SAMMSON: variants seen among roughly 807,000 people sequenced by gnomAD.
The protein encoded by SAMMSON is survival associated mitochondrial melanoma specific oncogenic non-coding RNA.
At chr3:70,370,643 T>C (rs1702961432) in intron 9 of SAMMSON, among the ~76,000 whole-genome samples, 1 of 152,122 alleles carries the variant, frequency 6.6e-6, no homozygotes, top group African/African-American at 2.4e-5. Context: ...TTGCCCACTT[T>C]TTAATAGAGT....
chr3:70,269,829 A>G (rs1206011933), intron 6 of SAMMSON, among the ~76,000 whole-genome samples: 1 of 152,206 alleles, frequency 6.6e-6, no homozygotes, highest in Non-Finnish European at 1.5e-5. Context: ...TCATTTCGAA[A>G]ACAAAGGCCA....
At chr3:70,343,640 G>A (rs1405624185) in intron 7 of SAMMSON, among the ~76,000 whole-genome samples, 1 of 152,030 alleles carries the variant, frequency 6.6e-6, no homozygotes, top group Non-Finnish European at 1.5e-5. Context: ...CTTGATAAAG[G>A]GAGGTTTGTC....
intron 3 of SAMMSON, among the ~76,000 whole-genome samples, chr3:70,052,192 G>A (rs1411469303): frequency 6.6e-6 from 1 of 151,274 alleles, no homozygotes. Flanking sequence ...CACAAAAAAA[G>A]CAAAAATAAA....
chr3:70,399,056 C>T (rs1420395770), intron 2 of SAMMSON, among the ~76,000 whole-genome samples: 4 of 152,142 alleles, frequency 2.6e-5, no homozygotes, highest in African/African-American at 9.7e-5. Context: ...ATGAATCTTG[C>T]GTTTTTAGTC....
chr3:70,382,466 G>C (rs1423978278), intron 9 of SAMMSON, among the ~76,000 whole-genome samples: 1 of 152,124 alleles, frequency 6.6e-6, no homozygotes. Flanking sequence ...GGTTGCCACA[G>C]CTGGCAGCTG....
chr3:70,355,538 T>C lies in SAMMSON; in HGVS notation n.842+1261T>C, dbSNP rs190540869. On this transcript the variant is annotated intron_variant and non_coding_transcript_variant, in intron 8 of 9. Coordinates refer to ENST00000642114, the Ensembl canonical transcript of SAMMSON. ...TAAAATGCTTGCAAAGAAATCAGTT[T>C]TAAAATTGGAAGATGAAGTCATAGA... is the stretch of plus-strand genomic sequence containing the variant. Among the ~76,000 whole-genome samples the C allele has an allele frequency of 8.3e-4, 126 of 152,100 alleles. 2 individuals carry two copies. Among genetic ancestry groups the C allele is most frequent in the Admixed American group, 8.1e-3 (124 of 15,274 alleles).
intron 3 of SAMMSON, among the ~76,000 whole-genome samples, chr3:70,022,092 G>GT (rs910496302): frequency 2.0e-5 from 3 of 151,962 alleles, no homozygotes; most frequent in Non-Finnish European, 2.9e-5. Flanking sequence ...AGGGCCTTTT[G>GT]TTTTTTACCA....
intron 7 of SAMMSON, among the ~76,000 whole-genome samples, chr3:70,324,848 A>G (rs1327617064): frequency 1.3e-5 from 2 of 148,814 alleles, no homozygotes; most frequent in African/African-American, 5.0e-5. Flanking sequence ...TAGAGGAAAT[A>G]TTTCTCCTCT....
chr3:70,240,478 G>T (rs148126162), intron 4 of SAMMSON, among the ~76,000 whole-genome samples: 28 of 152,048 alleles, frequency 1.8e-4, no homozygotes, highest in African/African-American at 6.0e-4. Flanking sequence ...TTTGGAAGTT[G>T]GACCCTAACT....
intron 1 of SAMMSON, among the ~76,000 whole-genome samples, chr3:70,011,131 T>C (rs138985784): frequency 6.6e-5 from 10 of 152,262 alleles, no homozygotes; most frequent in Non-Finnish European, 1.5e-4. Flanking sequence ...TATTTTTAAT[T>C]ACTGTAGATA....
chr3:70,210,767 C>G (rs1236444522), intron 4 of SAMMSON, among the ~76,000 whole-genome samples: 1 of 130,434 alleles, frequency 7.7e-6, no homozygotes, highest in Admixed American at 8.7e-5. Context: ...AAAATAGAAG[C>G]TCATCTATAT....
intron 4 of SAMMSON, among the ~76,000 whole-genome samples, chr3:70,235,935 C>T (rs1389800049): frequency 6.6e-6 from 1 of 152,140 alleles, no homozygotes; most frequent in Non-Finnish European, 1.5e-5. Flanking sequence ...GCAGTCACCA[C>T]GCCATTTTTC....
At chr3:70,340,590 G>T (rs1443331767) in intron 7 of SAMMSON, among the ~76,000 whole-genome samples, 1 of 152,014 alleles carries the variant, frequency 6.6e-6, no homozygotes, top group Non-Finnish European at 1.5e-5. Context: ...GGATTTTATT[G>T]TGTGTTAGGT....
At chr3:70,087,195 G>A (rs1278828226) in intron 4 of SAMMSON, among the ~76,000 whole-genome samples, 2 of 152,094 alleles carry the variant, frequency 1.3e-5, no homozygotes, top group African/African-American at 2.4e-5. Flanking sequence ...AATGGTTAAA[G>A]GATACTTTCC....
At chr3:70,366,559 TA>T (rs1702922157) in intron 9 of SAMMSON, among the ~76,000 whole-genome samples, 1 of 149,032 alleles carries the variant, frequency 6.7e-6, no homozygotes, top group South Asian at 2.1e-4. Context: ...ACAGTATGGA[TA>T]CACCACTGTT....
chr3:70,108,441 T>TTTTTTTTTTTTTTA lies in SAMMSON; in HGVS notation n.507+36876_507+36877insTTTTTTTTTTTTTA, dbSNP rs1553715435. On this transcript the variant is annotated intron_variant and non_coding_transcript_variant, in intron 4 of 9. Coordinates refer to ENST00000642114, the Ensembl canonical transcript of SAMMSON. Reference sequence around the variant, plus strand: ...GCGGTTCCTTTTTTTTTTTTTTTTTTATCATAACTCACCTAAGGAGCTGAG... The same window carrying TTTTTTTTTTTTTTA: ...GCGGTTCCTTTTTTTTTTTTTTTTTTTTTTTTTTTTTTTAATCATAACTCACCTAAGGAGCTGAG... Among the ~76,000 whole-genome samples, 294 of 146,312 alleles carry TTTTTTTTTTTTTTA rather than the reference T, an allele frequency of 2.0e-3. 3 individuals are homozygous for TTTTTTTTTTTTTTA. Among genetic ancestry groups the TTTTTTTTTTTTTTA allele is most frequent in the African/African-American group, 7.2e-3 (275 of 38,430 alleles).
At chr3:70,355,251 C>G (rs1422690880) in intron 8 of SAMMSON, among the ~76,000 whole-genome samples, 6 of 152,114 alleles carry the variant, frequency 3.9e-5, no homozygotes, top group Non-Finnish European at 8.8e-5. Context: ...AGTTTCCAAT[C>G]AATTTTCTCA....
chr3:70,337,060 A>C (rs1702668218), intron 7 of SAMMSON, among the ~76,000 whole-genome samples: 1 of 81,676 alleles, frequency 1.2e-5, no homozygotes, highest in South Asian at 3.5e-4. Context: ...TATTATTATT[A>C]ATAATAATAT....
chr3:70,417,458 T>C (rs1299121360), intron 2 of SAMMSON, among the ~76,000 whole-genome samples: 1 of 152,202 alleles, frequency 6.6e-6, no homozygotes, highest in Non-Finnish European at 1.5e-5. Flanking sequence ...ATTTAGAGCT[T>C]TGATTTAGAT....
Sources: allele counts gnomAD v4.1 joint callset (sites outside exome capture counted in the v4.1 genomes callset), GRCh38; gene constraint gnomAD v4.1.1; transcripts MANE v1.5; gene names NCBI Gene and HGNC (gene_info 2026-07-23, HGNC 2026-07-21).